The following SCGB1A1 variants were observed in gnomAD, a reference collection of about 807,000 sequenced individuals.
SCGB1A1 encodes the protein uteroglobin.
SCGB1A1 carries 8 observed loss-of-function variants against 7.5 expected under a neutral mutation model. The observed-to-expected ratio is 1.07, with a 90% CI of 0.63 to 1.92. The LOEUF (loss-of-function observed/expected upper bound fraction) is 1.92, where lower values mean the gene tolerates loss of function less well. Among genes scored for constraint, SCGB1A1 ranks in the 30% most tolerant of loss-of-function variants. The probability of loss-of-function intolerance (pLI) is 0.00; values close to 1 mark genes in which losing one functional copy is unlikely to be tolerated. For missense variants in SCGB1A1, 121 were observed against 112.7 expected (o/e 1.07, Z -0.33); for synonymous variants, 44 against 40.8 (o/e 1.08, Z -0.30).
At chr11:62,422,519 GC>G (rs1937824809) in intron 2 of SCGB1A1, 111 bp downstream of exon 2, 2 of 831,816 alleles carry the variant, frequency 2.4e-6, no homozygotes, top group Non-Finnish European at 3.7e-6. Flanking sequence ...GAGTCACAGT[GC>G]CACTGTCCCC....
intron 1 of SCGB1A1, 165 bp from the exon 2 acceptor site, chr11:62,422,056 G>T: frequency 4.0e-6 from 2 of 502,492 alleles, no homozygotes; most frequent in Non-Finnish European, 6.9e-6. Context: ...GAAGTCTAAG[G>T]AAGACTCGGG....
chr11:62,419,893 G>A (rs1031166564), intron 1 of SCGB1A1, among the ~76,000 whole-genome samples: 11 of 152,134 alleles, frequency 7.2e-5, no homozygotes, highest in African/African-American at 2.7e-4. Flanking sequence ...ATCTAACTCT[G>A]TTTTTCACTC....
At chr11:62,422,575 T>TC (rs1937827357) in intron 2 of SCGB1A1, among the ~76,000 whole-genome samples, 167 bp downstream of exon 2, 1 of 145,554 alleles carries the variant, frequency 6.9e-6, no homozygotes, top group Non-Finnish European at 1.5e-5. Flanking sequence ...CTCTTCCTTT[T>TC]TTTTTTTTTT....
intron 2 of SCGB1A1, among the ~76,000 whole-genome samples, 187 bp from the exon 3 acceptor site, chr11:62,422,872 C>T (rs922752587): frequency 6.6e-6 from 1 of 152,186 alleles, no homozygotes; most frequent in Admixed American, 6.5e-5. Flanking sequence ...CCACGCCCAG[C>T]CTCCCCTTAC....
At position 62,423,040 on chromosome 11, in the gene SCGB1A1, C is replaced by CT; in HGVS notation, c.244-16dup. 6.2e-7 allele frequency: 1 copy of CT among 1,612,680 alleles called. No homozygotes were observed. The highest frequency in any genetic ancestry group is 8.5e-7 in the Non-Finnish European group (1 of 1,178,756). ...ACTGTTGTATTGGGTTTTTCTGTTT[C>CT]TTTGTCTATTTGTTTTAGGAAAAAA... is the stretch of plus-strand genomic sequence containing the variant. On this transcript the variant is annotated intron_variant, in intron 2 of 2. Coordinates refer to ENST00000278282, the MANE Select transcript of SCGB1A1 (RefSeq NM_003357.5).
chr11:62,422,980 GGCTC>G (rs1590785890), intron 2 of SCGB1A1, 75 bp from the exon 3 acceptor site: 1 of 1,349,304 alleles, frequency 7.4e-7, no homozygotes, highest in East Asian at 2.3e-5. Context: ...AAGTTTCTGT[GGCTC>G]GTCATCTCTG....
chr11:62,419,258 T>G, intron 1 of SCGB1A1, 108 bp downstream of exon 1: 1 of 856,784 alleles, frequency 1.2e-6, no homozygotes, highest in African/African-American at 1.7e-5. Flanking sequence ...CTGGAGCTGC[T>G]GGGAGGACCT....
chr11:62,419,876 C>T (rs1370849043), intron 1 of SCGB1A1, among the ~76,000 whole-genome samples: 2 of 152,184 alleles, frequency 1.3e-5, no homozygotes, highest in African/African-American at 2.4e-5. Context: ...CTTTGGGGAA[C>T]TGGGTTATCT....
chr11:62,422,253 G>A lies in SCGB1A1; in HGVS notation c.88G>A (p.Val30Ile), dbSNP rs1469680862. ...AGAGATCTGCCCGAGCTTTCAGCGT[G>A]TCATCGAAACCCTCCTCATGGACAC... ...SAEICPSFQRVIETLLMDTPS... is the reference protein window; with the variant it reads ...SAEICPSFQRIIETLLMDTPS... The change falls in exon 2 of 3, where the codon GTC (valine) becomes ATC (isoleucine). Residue 30 changes from valine (V) to isoleucine (I), a missense_variant. Physicochemically the swap from Val to Ile is conservative, Grantham distance 29. Transcript: ENST00000278282. 1.2e-6 allele frequency: 2 copies of A among 1,613,236 alleles called. No homozygotes were observed. The highest frequency in any genetic ancestry group is 8.5e-7 in the Non-Finnish European group (1 of 1,179,430).
At chr11:62,422,613 C>T (rs536490845) in intron 2 of SCGB1A1, among the ~76,000 whole-genome samples, 4 of 131,308 alleles carry the variant, frequency 3.0e-5, no homozygotes, top group Non-Finnish European at 6.2e-5. Context: ...CTCGCTCTGT[C>T]GCCCAGACTA....
At chr11:62,422,128 C>G in intron 1 of SCGB1A1, 93 bp from the exon 2 acceptor site, 1 of 1,009,374 alleles carries the variant, frequency 9.9e-7, no homozygotes. Context: ...CGCTGATGGG[C>G]CTGGCTGTTT....
intron 1 of SCGB1A1, among the ~76,000 whole-genome samples, chr11:62,419,968 T>C (rs1021890852): frequency 6.6e-6 from 1 of 152,244 alleles, no homozygotes; most frequent in African/African-American, 2.4e-5. Context: ...CAAACTCCAA[T>C]TAATTCACTT....
At chr11:62,422,921 T>TA in intron 2 of SCGB1A1, 138 bp from the exon 3 acceptor site, 1 of 785,998 alleles carries the variant, frequency 1.3e-6, no homozygotes, top group Non-Finnish European at 2.2e-6. Context: ...TCCAAGCCCT[T>TA]ACTACCTTAG....
In SCGB1A1 at chr11:62,422,419, C is replaced by A. The variant is rs1213741589; in HGVS notation, c.243+11C>A. On this transcript the variant is annotated intron_variant, in intron 2 of 2. Transcript: ENST00000278282. ...ATCATTAAGCTCATGGTAACCAGCA[C>A]CTTTCACGTCACACTGGTTAGAAGT... 1.3e-6 allele frequency: 2 copies of A among 1,598,372 alleles called. No homozygotes were observed. The highest frequency in any genetic ancestry group is 3.4e-5 in the Admixed American group (2 of 58,964).
intron 1 of SCGB1A1, among the ~76,000 whole-genome samples, chr11:62,419,628 C>T (rs1937729287): frequency 6.6e-6 from 1 of 152,208 alleles, no homozygotes; most frequent in African/African-American, 2.4e-5. Context: ...GACAAGGTCT[C>T]TCATTCTGGG....
chr11:62,422,100 G>A, intron 1 of SCGB1A1, 121 bp from the exon 2 acceptor site: 1 of 729,944 alleles, frequency 1.4e-6, no homozygotes, highest in Non-Finnish European at 2.2e-6. Flanking sequence ...GTCCATCGAT[G>A]AAAAGGCTGC....
At chr11:62,422,926 C>T in intron 2 of SCGB1A1, 133 bp from the exon 3 acceptor site, 1 of 816,230 alleles carries the variant, frequency 1.2e-6, no homozygotes, top group Admixed American at 1.9e-5. Flanking sequence ...GCCCTTACTA[C>T]CTTAGTTCCT....
chr11:62,422,096 C>A, intron 1 of SCGB1A1, 125 bp from the exon 2 acceptor site: 1 of 687,206 alleles, frequency 1.5e-6, no homozygotes, highest in Non-Finnish European at 2.4e-6. Flanking sequence ...TCTAGTCCAT[C>A]GATGAAAAGG....
At chr11:62,419,869 T>C (rs967393188) in intron 1 of SCGB1A1, among the ~76,000 whole-genome samples, 3 of 152,160 alleles carry the variant, frequency 2.0e-5, no homozygotes. Flanking sequence ...CCCCCGTCTT[T>C]GGGGAACTGG....
Sources: allele counts gnomAD v4.1 joint callset (sites outside exome capture counted in the v4.1 genomes callset), GRCh38; gene constraint gnomAD v4.1.1; transcripts MANE v1.5; gene names NCBI Gene and HGNC (gene_info 2026-07-23, HGNC 2026-07-21).